Variants in ARHGEF3 observed in about 807,000 individuals in gnomAD.
ARHGEF3 encodes 59.8 kDA protein.
A neutral mutation model predicts 63.2 loss-of-function variants in ARHGEF3; 28 were observed. The ratio of observed to expected loss-of-function variants is 0.44; its 90% CI spans 0.33 to 0.61. The LOEUF is 0.61. ARHGEF3 is among the 20% of genes least tolerant of loss of function. ARHGEF3 has a pLI of 0.03. For missense variants in ARHGEF3, 533 were observed against 659.3 expected, an observed-to-expected ratio of 0.81 and a Z score of 2.10; for synonymous variants, 266 against 254.2, an observed-to-expected ratio of 1.05 and a Z score of -0.44.
intron 4 of ARHGEF3, among the ~76,000 whole-genome samples, chr3:56,841,060 G>A (rs1353163238): frequency 2.6e-5 from 4 of 152,096 alleles, no homozygotes; most frequent in African/African-American, 7.2e-5. Context: ...GCAAAAACAC[G>A]GAAAACCCCT....
chr3:56,947,781 A>C (rs1489176687), intron 3 of ARHGEF3, among the ~76,000 whole-genome samples: 1 of 152,190 alleles, frequency 6.6e-6, no homozygotes, highest in East Asian at 1.9e-4. Context: ...AGCAGACCTA[A>C]CAGACATCTA....
chr3:56,953,499 C>A (rs559411038), intron 3 of ARHGEF3, among the ~76,000 whole-genome samples: 4 of 152,184 alleles, frequency 2.6e-5, no homozygotes, highest in African/African-American at 4.8e-5. Context: ...GGTAACAACA[C>A]CAAACTCTTT....
chr3:56,936,237 A>G lies in ARHGEF3; in HGVS notation c.129+22586T>C, dbSNP rs546394339. On this transcript the variant is annotated intron_variant, in intron 3 of 12. Coordinates refer to the ARHGEF3 transcript ENST00000338458. ...TGACAAGCCCAACAGTGCCACATAC[A>G]AGGAGGAGACACCGGGAGCAGAACC... Among the ~76,000 whole-genome samples, 3 of 152,296 alleles carry G rather than the reference A, an allele frequency of 2.0e-5. No individual in the cohort carries two copies. In the East Asian group the frequency reaches 5.8e-4, roughly 29 times the overall value.
intron 4 of ARHGEF3, among the ~76,000 whole-genome samples, chr3:56,875,007 A>C (rs2040540197): frequency 6.6e-6 from 1 of 152,204 alleles, no homozygotes; most frequent in Non-Finnish European, 1.5e-5. Flanking sequence ...TATGCTATTT[A>C]CTAATATAAT....
intron 4 of ARHGEF3, among the ~76,000 whole-genome samples, chr3:56,752,281 C>G (rs974980885): frequency 6.6e-6 from 1 of 152,174 alleles, no homozygotes; most frequent in Admixed American, 6.5e-5. Context: ...TGGTCTTGAA[C>G]TCCTGACCTC....
intron 1 of ARHGEF3, among the ~76,000 whole-genome samples, chr3:57,041,196 T>G (rs1054215371): frequency 2.6e-5 from 4 of 152,168 alleles, no homozygotes; most frequent in Non-Finnish European, 5.9e-5. Context: ...CAGTGCTAAT[T>G]AATAATAACT....
chr3:56,927,632 G>T (rs966093072), intron 3 of ARHGEF3, among the ~76,000 whole-genome samples: 2 of 152,146 alleles, frequency 1.3e-5, no homozygotes, highest in South Asian at 2.1e-4. Flanking sequence ...AAGTGTGTTT[G>T]TGCAGTATTT....
At chr3:56,780,759 C>T (rs2036525807) in intron 1 of ARHGEF3, among the ~76,000 whole-genome samples, 1 of 152,166 alleles carries the variant, frequency 6.6e-6, no homozygotes, top group South Asian at 2.1e-4. Context: ...CGATTAAGTT[C>T]AGGTTATGCA....
At chr3:57,067,858 C>T (rs1201631271) in intron 1 of ARHGEF3, among the ~76,000 whole-genome samples, 3 of 151,442 alleles carry the variant, frequency 2.0e-5, no homozygotes, top group Non-Finnish European at 4.4e-5. Context: ...GGCAAAGTGG[C>T]GGGCTCCTGT....
intron 1 of ARHGEF3, among the ~76,000 whole-genome samples, chr3:57,041,161 C>G (rs991825002): frequency 2.0e-5 from 3 of 152,182 alleles, no homozygotes; most frequent in African/African-American, 4.8e-5. Flanking sequence ...CATTCTGTTC[C>G]TAGTTCTGAT....
chr3:57,003,348 A>G (rs1025652795), intron 2 of ARHGEF3, among the ~76,000 whole-genome samples: 9 of 132,766 alleles, frequency 6.8e-5, no homozygotes, highest in Admixed American at 1.8e-4. Context: ...GGTTTCAGGG[A>G]GCTGAGATCG....
chr3:56,729,329 G>T lies in ARHGEF3; in HGVS notation c.1522C>A (p.Arg508Ser). ...CAGGAAGAGTCTGTCTGTTCCATGC[G>T]CTCACAGTCGAGGCTGACCTCACTC... ...DTSEVSLDCE[R>S]MEQTDSSCGN... The change falls in exon 10 of 10, where the codon CGC becomes AGC. Residue 508 changes from arginine (R) to serine (S), a missense_variant. Physicochemically the swap from Arg to Ser is moderately radical, Grantham distance 110. Transcript: ENST00000296315. 14 of 1,614,054 alleles carry T rather than the reference G, an allele frequency of 8.7e-6. No individual in the cohort carries two copies. Among genetic ancestry groups the T allele is most frequent in the Non-Finnish European group, 1.2e-5 (14 of 1,180,026 alleles).
intron 7 of ARHGEF3, among the ~76,000 whole-genome samples, chr3:56,741,608 A>G (rs2034042738): frequency 7.4e-6 from 1 of 134,626 alleles, no homozygotes; most frequent in African/African-American, 2.8e-5. Context: ...GGTTCACACC[A>G]TTCTCCTGCC....
At chr3:56,865,784 A>G (rs915257933) in intron 4 of ARHGEF3, among the ~76,000 whole-genome samples, 2 of 152,160 alleles carry the variant, frequency 1.3e-5, no homozygotes, top group Admixed American at 1.3e-4. Flanking sequence ...CACACTCTAC[A>G]ACCCAGAAGA....
chr3:56,816,166 G>T (rs2038263604), intron 4 of ARHGEF3, among the ~76,000 whole-genome samples: 1 of 152,164 alleles, frequency 6.6e-6, no homozygotes. Flanking sequence ...AGTGAGCTAT[G>T]ATTGTACCAC....
chr3:56,898,515 C>A (rs375242930), intron 3 of ARHGEF3: 5 of 174,474 alleles, frequency 2.9e-5, no homozygotes, highest in African/African-American at 7.1e-5. Context: ...GGCCAGTCTT[C>A]TTTCTTTAGT....
chr3:56,961,557 A>C (rs1560086709), intron 2 of ARHGEF3, among the ~76,000 whole-genome samples: 1 of 152,204 alleles, frequency 6.6e-6, no homozygotes, highest in Non-Finnish European at 1.5e-5. Context: ...ATCAGGCCTC[A>C]TAGCCAAAGA....
chr3:56,880,188 T>C (rs975378022), intron 4 of ARHGEF3, among the ~76,000 whole-genome samples: 2 of 152,178 alleles, frequency 1.3e-5, no homozygotes, highest in Non-Finnish European at 2.9e-5. Context: ...AAATCAGAAA[T>C]GAGTCTGTCC....
rs575111747 is a variant in ARHGEF3, at chr3:56,942,896, T to C, written c.129+15927A>G. The stretch of plus-strand genomic sequence containing the variant: ...AACATTCCTCTAAGCCAAAGCCTAA[T>C]CCAGAGCAAGGCCCTAACTCTCTTC... On this transcript the variant is annotated intron_variant, in intron 3 of 12. Transcript: ENST00000338458. Among the ~76,000 whole-genome samples, 130 of 152,266 alleles carry C rather than the reference T, an allele frequency of 8.5e-4. 1 individual carries two copies. The highest frequency in any genetic ancestry group is 3.0e-3 in the African/African-American group (126 of 41,558).
Sources: gnomAD v4.1 joint callset for allele counts (sites outside exome capture counted in the v4.1 genomes callset) on GRCh38, gnomAD v4.1.1 for gene constraint, MANE v1.5 for transcripts, NCBI Gene and HGNC (gene_info 2026-07-23, HGNC 2026-07-21) for gene names.